Variants in ADGRD1 observed in about 807,000 individuals in gnomAD.
ADGRD1 encodes adhesion G protein-coupled receptor D1, also known as G-protein coupled receptor 133.
Under a neutral mutation model 113.4 loss-of-function variants are expected in ADGRD1, and 77 were observed. The observed-to-expected ratio is 0.68, with a 90% confidence interval of 0.57 to 0.82. The LOEUF is 0.82. ADGRD1 is among the 40% of genes least tolerant of loss of function. The probability of loss-of-function intolerance (pLI) is 0.00; values close to 1 mark genes in which losing one functional copy is unlikely to be tolerated. For missense variants in ADGRD1, 1,036 were observed against 1,139.1 expected, an observed-to-expected ratio of 0.91 and a Z score of 1.30; for synonymous variants, 474 against 475.0, an observed-to-expected ratio of 1.00 and a Z score of 0.03.
At chr12:131,040,993 G>T (rs2136983722) in intron 13 of ADGRD1, among the ~76,000 whole-genome samples, 1 of 152,352 alleles carries the variant, frequency 6.6e-6, no homozygotes, top group South Asian at 2.1e-4. Flanking sequence ...GGACAGTGGG[G>T]CTGAATGGTG....
intron 9 of ADGRD1, among the ~76,000 whole-genome samples, chr12:131,001,080 T>C (rs1876330023): frequency 6.6e-6 from 1 of 152,198 alleles, no homozygotes; most frequent in Non-Finnish European, 1.5e-5. Flanking sequence ...TCATGTAATA[T>C]GTATTTTTTT....
At position 131,107,354 on chromosome 12, in the gene ADGRD1, G is replaced by C. The variant is rs1268919488; in HGVS notation, c.1888-1370G>C. ...CCAGAGACCTGTGGCTAAATCCCAG[G>C]GAAGGGCTCTGATGGGTCCCGCTCT... On this transcript the variant is annotated intron_variant, in intron 17 of 24. Coordinates refer to ENST00000261654, the MANE Select transcript of ADGRD1 (RefSeq NM_198827.5). Among the ~76,000 whole-genome samples the C allele has an allele frequency of 4.6e-5, 7 of 151,720 alleles. No homozygotes were observed. The South Asian group carries it at 1.0e-3, about 23-fold the overall frequency.
At position 131,056,186 on chromosome 12, in the gene ADGRD1, A is replaced by G. The variant is rs944735146; in HGVS notation, c.1474-20615A>G. On this transcript the variant is annotated intron_variant, in intron 13 of 24. Transcript: ENST00000261654. ...TTCCTCTTGGTTGAGGATCACTGAT[A>G]TGCATAGAGGCAGTGTTAACTTGTT... 4.6e-5 allele frequency among the ~76,000 whole-genome samples: 7 copies of G among 152,368 alleles called. No individual in the cohort carries two copies. The East Asian group carries it at 9.6e-4, about 21-fold the overall frequency.
At position 130,965,140 on chromosome 12, in the gene ADGRD1, TTTC is replaced by T. The variant is rs1343490339; in HGVS notation, c.104-1320_104-1318del. On this transcript the variant is annotated intron_variant, in intron 2 of 24. Transcript: ENST00000261654. This position sits in a 1 kb window ranked among gnomAD's most constrained non-coding sequence, Gnocchi z 4.8. ...TTCTTATTCTTGTTTTCATAAATAT[TTTC>T]TTTTTGTTGGCTGCACTTAGGAGAA... Among the ~76,000 whole-genome samples the T allele has an allele frequency of 6.6e-6, 1 of 152,200 alleles. No homozygotes were observed. Among genetic ancestry groups the T allele is most frequent in the Non-Finnish European group, 1.5e-5 (1 of 68,034 alleles).
chr12:130,991,059 C>T lies in ADGRD1; in HGVS notation c.791C>T (p.Thr264Ile). 1.2e-6 allele frequency: 2 copies of T among 1,614,046 alleles called. No homozygotes were observed. Among genetic ancestry groups the T allele is most frequent in the Non-Finnish European group, 1.7e-6 (2 of 1,179,902 alleles). Residue 264 changes from threonine to isoleucine, a missense_variant, in exon 7 of 25, where the codon ACA becomes ATA. Physicochemically the swap from Thr to Ile is moderately conservative, Grantham distance 89. Coordinates refer to ENST00000261654, the MANE Select transcript of ADGRD1 (RefSeq NM_198827.5). Reference sequence around the variant, plus strand: ...TCAACGCTGCCAAGCCTCTTCATGACATCCACAGCAAGCCCCGTGGTGAGC... The same window carrying T: ...TCAACGCTGCCAAGCCTCTTCATGATATCCACAGCAAGCCCCGTGGTGAGC... ...LSSTLPSLFM[T>I]STASPVMPTD...
intron 8 of ADGRD1, chr12:130,994,040 C>G (rs1441095634): frequency 1.3e-5 from 3 of 238,958 alleles, no homozygotes; most frequent in Admixed American, 4.4e-5. Flanking sequence ...ATGACCACAC[C>G]TGGGCCAATC....
intron 13 of ADGRD1, among the ~76,000 whole-genome samples, chr12:131,048,077 A>G (rs1883019838): frequency 6.6e-6 from 1 of 152,146 alleles, no homozygotes; most frequent in Non-Finnish European, 1.5e-5. Context: ...CACCAGCTGG[A>G]CTTGCTGGTG....
At chr12:131,090,791 C>G (rs1485096594) in intron 15 of ADGRD1, among the ~76,000 whole-genome samples, 3 of 152,200 alleles carry the variant, frequency 2.0e-5, no homozygotes, top group Admixed American at 1.3e-4. Flanking sequence ...CCTGCACATG[C>G]TTCTTTAGAA....
At chr12:130,958,977 T>C (rs1870025496) in intron 2 of ADGRD1, among the ~76,000 whole-genome samples, 5 of 152,262 alleles carry the variant, frequency 3.3e-5, no homozygotes, top group East Asian at 3.9e-4. Context: ...GAGGACACAA[T>C]ATTAAGCCCA....
chr12:131,088,183 C>G (rs573035696), intron 15 of ADGRD1, among the ~76,000 whole-genome samples: 2 of 151,422 alleles, frequency 1.3e-5, no homozygotes, highest in African/African-American at 4.9e-5. Context: ...GCTCGTCTTA[C>G]CAGCAGAGAA....
chr12:130,982,221 A>G (rs1873095328), intron 5 of ADGRD1, among the ~76,000 whole-genome samples, 158 bp downstream of exon 5: 1 of 152,132 alleles, frequency 6.6e-6, no homozygotes, highest in Non-Finnish European at 1.5e-5. Flanking sequence ...GGGGAGGTGC[A>G]TGGGGAGAGG....
At position 131,131,849 on chromosome 12, in the gene ADGRD1, G is replaced by A. The variant is rs371329908; in HGVS notation, c.2267+33G>A. The A allele has an allele frequency of 2.1e-4, 284 of 1,355,240 alleles. 1 individual carries two copies. In the African/African-American group the frequency reaches 3.4e-3, roughly 16 times the overall value. The allele number at this position is 1,355,240 out of a possible 1,614,324, so 84.0% of individuals were successfully genotyped here. ...GACCTCAGGCTGCCAGCAGTGCCAC[G>A]GCCCTTCTGCCCCCAGAGGATGCTT... is the stretch of plus-strand genomic sequence containing the variant. On this transcript the variant is annotated intron_variant, in intron 21 of 24. Transcript: ENST00000261654.
intron 14 of ADGRD1, among the ~76,000 whole-genome samples, chr12:131,082,119 A>G (rs912783154): frequency 2.6e-5 from 4 of 152,018 alleles, no homozygotes; most frequent in African/African-American, 9.7e-5. Flanking sequence ...ATCATAGGAA[A>G]TATATGGTGT....
At chr12:131,028,897 A>T (rs981149418) in intron 13 of ADGRD1, among the ~76,000 whole-genome samples, 1 of 152,080 alleles carries the variant, frequency 6.6e-6, no homozygotes, top group African/African-American at 2.4e-5. Flanking sequence ...TTTTGGTGAG[A>T]CGCATTTAAA....
At chr12:131,090,110 C>A (rs1886811136) in intron 15 of ADGRD1, among the ~76,000 whole-genome samples, 1 of 152,166 alleles carries the variant, frequency 6.6e-6, no homozygotes, top group Non-Finnish European at 1.5e-5. Flanking sequence ...CGTCACCGTT[C>A]CCTCTCAGTG....
chr12:131,110,993 C>T (rs1950333653), intron 18 of ADGRD1, among the ~76,000 whole-genome samples: 1 of 152,048 alleles, frequency 6.6e-6, no homozygotes, highest in Non-Finnish European at 1.5e-5. Flanking sequence ...ACTGGGGTCC[C>T]TTGTATTTGA....
At chr12:131,047,041 T>C (rs576084486) in intron 13 of ADGRD1, among the ~76,000 whole-genome samples, 2 of 143,456 alleles carry the variant, frequency 1.4e-5, no homozygotes, top group East Asian at 4.3e-4. Context: ...GTCAGTGTCC[T>C]CCCTGGTCAG....
chr12:131,099,757 A>T (rs1950026841), intron 15 of ADGRD1, among the ~76,000 whole-genome samples: 1 of 152,148 alleles, frequency 6.6e-6, no homozygotes, highest in Non-Finnish European at 1.5e-5. Flanking sequence ...GTACCATGTG[A>T]CCCTCCAATA....
intron 18 of ADGRD1, among the ~76,000 whole-genome samples, chr12:131,112,165 G>A (rs554005504): frequency 1.3e-5 from 2 of 152,228 alleles, no homozygotes; most frequent in African/African-American, 4.8e-5. Flanking sequence ...CCTGTGGTGT[G>A]ATTCCTCTGA....
Sources: allele counts gnomAD v4.1 joint callset (sites outside exome capture counted in the v4.1 genomes callset), GRCh38; gene constraint gnomAD v4.1.1; non-coding constraint Gnocchi (gnomAD v3.1); transcripts MANE v1.5; gene names NCBI Gene and HGNC (gene_info 2026-07-23, HGNC 2026-07-21).